The following XKR6 variants were observed in gnomAD, a reference collection of about 807,000 sequenced individuals.
XKR6 encodes XK related 6.
XKR6 carries 22 observed loss-of-function variants against 56.7 expected under a neutral mutation model. That is an observed-to-expected ratio of 0.39 (90% CI 0.28 to 0.55). The LOEUF (loss-of-function observed/expected upper bound fraction) is 0.55. XKR6 is among the 20% of genes least tolerant of loss of function. The pLI, the probability that XKR6 is intolerant of heterozygous loss-of-function variation, is 0.66. For synonymous variants in XKR6, 524 were observed against 387.8 expected (o/e 1.35, Z -4.13); for missense variants, 852 against 889.0 (o/e 0.96, Z 0.53).
intron 2 of XKR6, among the ~76,000 whole-genome samples, chr8:10,909,905 C>G (rs1800299913): frequency 6.6e-6 from 1 of 151,776 alleles, no homozygotes; most frequent in Non-Finnish European, 1.5e-5. Flanking sequence ...GGAATTGAGG[C>G]TCAGGGAGGT....
intron 1 of XKR6, among the ~76,000 whole-genome samples, chr8:11,003,855 A>C (rs539679444): frequency 1.6e-4 from 25 of 152,314 alleles, no homozygotes; most frequent in Admixed American, 5.2e-4. Flanking sequence ...ATGAGAGCAA[A>C]AGGTTCCCAA....
chr8:11,120,043 A>C (rs949208905), intron 1 of XKR6, among the ~76,000 whole-genome samples: 2 of 152,246 alleles, frequency 1.3e-5, no homozygotes, highest in Non-Finnish European at 2.9e-5. Context: ...TCTCAAAATA[A>C]TAAGAGCTAT....
At chr8:11,077,546 G>A (rs1293987751) in intron 1 of XKR6, among the ~76,000 whole-genome samples, 1 of 152,192 alleles carries the variant, frequency 6.6e-6, no homozygotes, top group Non-Finnish European at 1.5e-5. Context: ...GCAAAGGCCT[G>A]ATGCTTCACT....
intron 1 of XKR6, among the ~76,000 whole-genome samples, chr8:11,047,174 C>T (rs564015465): frequency 2.9e-4 from 44 of 151,998 alleles, no homozygotes; most frequent in Non-Finnish European, 4.3e-4. Flanking sequence ...AATAACTATG[C>T]GAGGGGAAGC....
chr8:10,904,489 G>C (rs1451448892), intron 2 of XKR6, among the ~76,000 whole-genome samples: 1 of 152,202 alleles, frequency 6.6e-6, no homozygotes, highest in Non-Finnish European at 1.5e-5. Context: ...GGGGAACAAA[G>C]CAACACGTGT....
At chr8:11,009,657 A>G (rs2129145419) in intron 1 of XKR6, among the ~76,000 whole-genome samples, 1 of 152,334 alleles carries the variant, frequency 6.6e-6, no homozygotes, top group African/African-American at 2.4e-5. Context: ...GCTTATCAAA[A>G]ACAAGAAAAG....
intron 1 of XKR6, among the ~76,000 whole-genome samples, chr8:11,103,310 A>G (rs1554458831): frequency 6.6e-6 from 1 of 152,196 alleles, no homozygotes; most frequent in Non-Finnish European, 1.5e-5. Context: ...CACCTGCCTT[A>G]AACTTCCTAA....
intron 2 of XKR6, among the ~76,000 whole-genome samples, chr8:10,912,306 GTATATATATATATATATATA>G (rs535084135): frequency 3.6e-5 from 2 of 55,222 alleles, no homozygotes. Context: ...AAGAGAGGGT[GTATATATATATATATATATA>G]TATATATATA....
At chr8:11,013,717 C>G (rs1798550948) in intron 1 of XKR6, among the ~76,000 whole-genome samples, 1 of 152,182 alleles carries the variant, frequency 6.6e-6, no homozygotes, top group Non-Finnish European at 1.5e-5. Context: ...GGTTTGGAAA[C>G]CAGCACCTTC....
At chr8:11,031,962 GGCA>G (rs1397892772) in intron 1 of XKR6, among the ~76,000 whole-genome samples, 1 of 152,204 alleles carries the variant, frequency 6.6e-6, no homozygotes, top group Non-Finnish European at 1.5e-5. Flanking sequence ...CCCCCCAGCA[GGCA>G]GCCTCTGCCT....
Position 10,964,271 on chromosome 8 carries a change from G to A in XKR6, c.765-39441C>T, listed in dbSNP as rs921778326. The stretch of plus-strand genomic sequence containing the variant: ...GGTTCTAAAAACCCAATACCCCCAC[G>A]CTTCCCTGGGGCTTCTAGGACACCT... On this transcript the variant is annotated intron_variant, in intron 1 of 2. Transcript: ENST00000416569. Among the ~76,000 whole-genome samples the A allele has an allele frequency of 5.9e-5, 9 of 152,150 alleles. No individual in the cohort carries two copies. In the South Asian group the frequency reaches 1.7e-3, roughly 28 times the overall value.
intron 1 of XKR6, among the ~76,000 whole-genome samples, chr8:10,983,331 C>T (rs981168478): frequency 1.3e-5 from 2 of 152,000 alleles, no homozygotes; most frequent in East Asian, 1.9e-4. Flanking sequence ...AAACAGTGAT[C>T]GGGAAACAAC....
chr8:11,147,408 G>C (rs1801039443), intron 1 of XKR6, among the ~76,000 whole-genome samples: 3 of 152,194 alleles, frequency 2.0e-5, no homozygotes, highest in Non-Finnish European at 4.4e-5. Flanking sequence ...GCTCACGCCT[G>C]TAATCCCAGC....
chr8:11,012,246 A>G (rs1480997061), intron 1 of XKR6, among the ~76,000 whole-genome samples: 1 of 152,202 alleles, frequency 6.6e-6, no homozygotes, highest in Non-Finnish European at 1.5e-5. Flanking sequence ...GGCAGTAATG[A>G]ACCCCCAAGC....
chr8:11,182,401 A>C (rs1803037295), intron 1 of XKR6, among the ~76,000 whole-genome samples: 2 of 152,240 alleles, frequency 1.3e-5, no homozygotes, highest in Admixed American at 1.3e-4. Context: ...TAACACCAGG[A>C]CTAACTTTGT....
chr8:11,134,135 A>T (rs996333102), intron 1 of XKR6, among the ~76,000 whole-genome samples: 3 of 152,062 alleles, frequency 2.0e-5, no homozygotes, highest in Non-Finnish European at 4.4e-5. Context: ...TCTACATTCA[A>T]AACAGCCAAG....
chr8:11,080,767 G>A (rs549241859), intron 1 of XKR6, among the ~76,000 whole-genome samples: 3 of 152,376 alleles, frequency 2.0e-5, no homozygotes, highest in South Asian at 4.1e-4. Context: ...TACCGTCAGA[G>A]ACAACGCAAG....
chr8:10,974,028 T>C (rs541893906), intron 1 of XKR6, among the ~76,000 whole-genome samples: 28 of 152,272 alleles, frequency 1.8e-4, no homozygotes, highest in Non-Finnish European at 3.4e-4. Context: ...AGCCATTTGC[T>C]TAAGATCACA....
At chr8:11,102,245 C>T (rs1047544785) in intron 1 of XKR6, among the ~76,000 whole-genome samples, 1 of 152,142 alleles carries the variant, frequency 6.6e-6, no homozygotes, top group East Asian at 1.9e-4. Context: ...CGAGGACTTG[C>T]CTGCTCTTTC....
Sources: allele counts gnomAD v4.1 joint callset (sites outside exome capture counted in the v4.1 genomes callset), GRCh38; gene constraint gnomAD v4.1.1; transcripts MANE v1.5; gene names NCBI Gene and HGNC (gene_info 2026-07-23, HGNC 2026-07-21).